OSBPL10: variants seen among roughly 807,000 people sequenced by gnomAD.
The protein encoded by OSBPL10 is oxysterol binding protein like 10.
A neutral mutation model predicts 81.7 loss-of-function variants in OSBPL10; 49 were observed. The observed-to-expected ratio is 0.60, with a 90% CI of 0.48 to 0.76. The LOEUF is 0.76. Ranked by LOEUF, OSBPL10 falls within the 30% of genes least tolerant of loss-of-function variation. OSBPL10 has a pLI of 0.00. For synonymous variants in OSBPL10, 419 were observed against 383.6 expected, an observed-to-expected ratio of 1.09 and a Z score of -1.08; for missense variants, 923 against 987.8, an observed-to-expected ratio of 0.93 and a Z score of 0.88.
chr3:31,997,817 T>G (rs1028792999), intron 2 of OSBPL10, among the ~76,000 whole-genome samples: 2 of 152,124 alleles, frequency 1.3e-5, no homozygotes, highest in African/African-American at 2.4e-5. Context: ...GGTCTTACTC[T>G]GTCGCCCAGG....
chr3:31,748,378 T>C (rs369051466), intron 4 of OSBPL10, among the ~76,000 whole-genome samples: 1 of 152,194 alleles, frequency 6.6e-6, no homozygotes, highest in African/African-American at 2.4e-5. Context: ...GGGTATATCA[T>C]TTTACAGATC....
intron 4 of OSBPL10, among the ~76,000 whole-genome samples, chr3:31,767,133 T>C (rs1698225669): frequency 6.6e-6 from 1 of 152,222 alleles, no homozygotes; most frequent in South Asian, 2.1e-4. Context: ...ATTAACTTTG[T>C]GGAAATTAAA....
At chr3:31,906,169 C>T (rs1292638012) in intron 1 of OSBPL10, among the ~76,000 whole-genome samples, 1 of 152,106 alleles carries the variant, frequency 6.6e-6, no homozygotes, top group Admixed American at 6.5e-5. Context: ...AAAAAACTAA[C>T]CCCTTTTCAC....
At chr3:32,030,495 G>T in intron 2 of OSBPL10, 1 of 710,956 alleles carries the variant, frequency 1.4e-6, no homozygotes. Context: ...AGCACTCTAA[G>T]GGCTGAGATC....
chr3:31,779,595 C>A (rs1226874572), intron 4 of OSBPL10, among the ~76,000 whole-genome samples: 1 of 150,842 alleles, frequency 6.6e-6, no homozygotes, highest in Middle Eastern at 3.2e-3. Context: ...GATAGCAATA[C>A]AATCATAGTG....
At chr3:31,964,202 G>A (rs976424112) in intron 1 of OSBPL10, among the ~76,000 whole-genome samples, 5 of 151,816 alleles carry the variant, frequency 3.3e-5, no homozygotes, top group Admixed American at 3.3e-4. Flanking sequence ...TGTCACCTAG[G>A]CTGGAGTACA....
At chr3:32,056,043 C>T (rs1308094005) in intron 1 of OSBPL10, among the ~76,000 whole-genome samples, 1 of 152,146 alleles carries the variant, frequency 6.6e-6, no homozygotes, top group Non-Finnish European at 1.5e-5. Flanking sequence ...GCACTTTTTA[C>T]AAATAATTAA....
chr3:32,042,609 C>A (rs1027058812), intron 2 of OSBPL10, among the ~76,000 whole-genome samples: 1 of 151,896 alleles, frequency 6.6e-6, no homozygotes, highest in Non-Finnish European at 1.5e-5. Context: ...AAGTGTTGGC[C>A]GGCCGAGAAA....
At chr3:31,662,300 C>G in intron 11 of OSBPL10, 184 bp from the exon 12 acceptor site, 4 of 1,337,744 alleles carry the variant, frequency 3.0e-6, no homozygotes, top group Non-Finnish European at 3.8e-6. Context: ...TGACCTTGAC[C>G]TTCCTACCCT....
chr3:31,698,611 C>T (rs1352224336), intron 7 of OSBPL10, among the ~76,000 whole-genome samples: 2 of 152,170 alleles, frequency 1.3e-5, no homozygotes, highest in African/African-American at 4.8e-5. Flanking sequence ...TACTCTCCTG[C>T]CAATCCCACT....
chr3:32,022,864 TG>T (rs1466189838), intron 2 of OSBPL10, among the ~76,000 whole-genome samples: 1 of 152,176 alleles, frequency 6.6e-6, no homozygotes, highest in African/African-American at 2.4e-5. Context: ...AATTCTGGCC[TG>T]GGAGTGTGAC....
intron 2 of OSBPL10, among the ~76,000 whole-genome samples, chr3:32,018,742 C>T (rs1011394119): frequency 1.3e-5 from 2 of 152,140 alleles, no homozygotes; most frequent in African/African-American, 2.4e-5. Context: ...TATTTGAAGA[C>T]ATCAGTGGCT....
At chr3:31,801,444 C>T (rs930215015) in intron 4 of OSBPL10, among the ~76,000 whole-genome samples, 2 of 152,228 alleles carry the variant, frequency 1.3e-5, no homozygotes, top group African/African-American at 4.8e-5. Context: ...TCTGGCTTCT[C>T]ACCTGCCTGT....
rs149811201 is a variant in OSBPL10 at position 31,664,178 on chromosome 3, G to A, written c.2151C>T (p.Ala717=). ...CCTCCAGGTGCCGCTTCTGCTCGGT[G>A]GCTGCGTCAATGTCCCCCAGCCGCA... is the stretch of plus-strand genomic sequence containing the variant. ...RYLRLGDIDA[A]TEQKRHLEEK... is the part of the protein sequence containing the mutation. The change falls in exon 11 of 12, where the codon GCC becomes GCT. Residue 717 remains alanine (A), a synonymous_variant. Coordinates refer to ENST00000396556, the MANE Select transcript of OSBPL10 (RefSeq NM_017784.5). 45 of 1,613,412 alleles carry A rather than the reference G, an allele frequency of 2.8e-5. No individual in the cohort carries two copies. In the African/African-American group the frequency reaches 5.3e-4, roughly 19 times the overall value.
intron 1 of OSBPL10, among the ~76,000 whole-genome samples, chr3:31,903,912 A>G (rs181360919): frequency 3.3e-3 from 496 of 152,252 alleles, no homozygotes; most frequent in Non-Finnish European, 5.1e-3. Context: ...ATTCAACAGG[A>G]AGTCAAGGTG....
intron 3 of OSBPL10, among the ~76,000 whole-genome samples, chr3:31,861,446 C>T (rs1016144295): frequency 6.6e-5 from 10 of 152,136 alleles, no homozygotes; most frequent in African/African-American, 1.9e-4. Context: ...GATTAAAAGT[C>T]GATCCATGTT....
At chr3:32,044,123 A>C (rs1699601585) in intron 2 of OSBPL10, among the ~76,000 whole-genome samples, 1 of 152,182 alleles carries the variant, frequency 6.6e-6, no homozygotes, top group Non-Finnish European at 1.5e-5. Context: ...TTTTAACAAA[A>C]GAAAATTCCA....
chr3:31,780,190 G>A (rs1698653529), intron 4 of OSBPL10, among the ~76,000 whole-genome samples: 1 of 152,156 alleles, frequency 6.6e-6, no homozygotes, highest in African/African-American at 2.4e-5. Context: ...CTACTCAGGA[G>A]GCTGAGGCAG....
At chr3:31,898,023 A>G in intron 1 of OSBPL10, among the ~76,000 whole-genome samples, 1 of 117,510 alleles carries the variant, frequency 8.5e-6, no homozygotes, top group East Asian at 2.1e-4. Flanking sequence ...AAAAAAAAAA[A>G]AAAAAAAAAA....
Sources: gnomAD v4.1 joint callset for allele counts (sites outside exome capture counted in the v4.1 genomes callset) on GRCh38, gnomAD v4.1.1 for gene constraint, MANE v1.5 for transcripts, NCBI Gene and HGNC (gene_info 2026-07-23, HGNC 2026-07-21) for gene names.